The following ACOT1 variants were observed in gnomAD, a reference collection of about 807,000 sequenced individuals.
ACOT1 encodes acyl-coenzyme A thioesterase 1.
ACOT1 carries 8 observed loss-of-function variants against 15.7 expected under a neutral mutation model. That is an observed-to-expected ratio of 0.51 (90% CI 0.30 to 0.92). The LOEUF (loss-of-function observed/expected upper bound fraction) is 0.92. ACOT1 is among the 40% of genes least tolerant of loss of function. The pLI is 0.06. For synonymous variants in ACOT1, 67 were observed against 241.2 expected, an observed-to-expected ratio of 0.28 and a Z score of 6.69; for missense variants, 151 against 539.4, an observed-to-expected ratio of 0.28 and a Z score of 7.13.
At position 73,542,707 on chromosome 14, in the gene ACOT1, T is replaced by C. The variant is rs527382389; in HGVS notation, c.661-343T>C. On this transcript the variant is annotated intron_variant, in intron 2 of 2. Transcript: ENST00000311148. ...AGGCGTCAGCCACCACGCCCGGCCA[T>C]GAGATGACGTACTTGTTGATGACGA... 1.5e-4 allele frequency among the ~76,000 whole-genome samples: 17 copies of C among 111,556 alleles called. 5 individuals are homozygous for C. Among genetic ancestry groups the C allele is most frequent in the Admixed American group, 4.0e-4 (4 of 9,888 alleles). 73.2% of individuals were successfully genotyped at this position (111,556 alleles called of 152,430 possible).
chr14:73,520,558 A>AG, the ACOT1 span: 1 of 286,376 alleles, frequency 3.5e-6, no homozygotes, highest in African/African-American at 2.2e-5. Flanking sequence ...GGGTAGATAG[A>AG]GAAGAGATGG....
chr14:73,505,699 A>G, the ACOT1 span, among the ~76,000 whole-genome samples: 138 of 151,670 alleles, frequency 9.1e-4, no homozygotes, highest in African/African-American at 3.0e-3. Context: ...GGCCGGGACT[A>G]TGTTTTATAT....
chr14:73,522,836 G>A, the ACOT1 span: 57 of 1,614,064 alleles, frequency 3.5e-5, no homozygotes, highest in East Asian at 1.2e-3. Flanking sequence ...CCTGATCTGG[G>A]GAGTATGGAT....
chr14:73,523,728 G>T, the ACOT1 span, among the ~76,000 whole-genome samples: 1 of 152,040 alleles, frequency 6.6e-6, no homozygotes, highest in South Asian at 2.1e-4. Context: ...TTTCGTACTT[G>T]ACACAAATTC....
At chr14:73,503,062 T>C in the ACOT1 span, 1 of 1,426,896 alleles carries the variant, frequency 7.0e-7, no homozygotes, top group Non-Finnish European at 9.9e-7. Context: ...GAATGTTAAT[T>C]TTGTGCTTGG....
At chr14:73,491,084 C>G in the ACOT1 span, 4 of 1,599,646 alleles carry the variant, frequency 2.5e-6, no homozygotes, top group Middle Eastern at 1.7e-4. Flanking sequence ...GCGCAAGCCC[C>G]AGCCACACAG....
At chr14:73,491,589 A>G in the ACOT1 span, 1 of 1,545,752 alleles carries the variant, frequency 6.5e-7, no homozygotes. Context: ...GTCTTGGCCG[A>G]GCTGAACCGC....
rs1243950480 is a variant in ACOT1, at chr14:73,543,701, AAC to A, written c.*48_*49del. The A allele has an allele frequency of 1.3e-6, 1 of 759,558 alleles. No individual in the cohort carries two copies. The highest frequency in any genetic ancestry group is 8.7e-5 in the East Asian group (1 of 11,528). The allele number at this position is 759,558 out of a possible 1,614,324, so 47.1% of individuals were successfully genotyped here. A position where few individuals can be genotyped will look rare whatever the true frequency, so the allele number is the denominator to read the frequency against. On this transcript the variant is annotated 3_prime_UTR_variant, in exon 3 of 3. Transcript: ENST00000311148. ...CTCTCTGTTGCTAATCTCTCCTGGAAACATCTGCCACATTTAGTGTGTGTATG... is the reference window on the plus strand; with the variant it reads ...CTCTCTGTTGCTAATCTCTCCTGGAAATCTGCCACATTTAGTGTGTGTATG...
the ACOT1 span, among the ~76,000 whole-genome samples, chr14:73,518,412 G>GAA: frequency 1.8e-5 from 2 of 108,772 alleles, no homozygotes; most frequent in Non-Finnish European, 4.0e-5. Context: ...TCCAAAAAAA[G>GAA]AAAAAAAAAA....
At chr14:73,500,884 G>C in the ACOT1 span, among the ~76,000 whole-genome samples, 16 of 152,194 alleles carry the variant, frequency 1.1e-4, no homozygotes, top group African/African-American at 3.6e-4. Flanking sequence ...TGGGTACAGA[G>C]CTCGATTGTC....
At chr14:73,512,883 A>G in the ACOT1 span, among the ~76,000 whole-genome samples, 1 of 152,100 alleles carries the variant, frequency 6.6e-6, no homozygotes, top group Non-Finnish European at 1.5e-5. Flanking sequence ...TCCTGCACTA[A>G]CTAAGCTTGT....
upstream of ACOT1, among the ~76,000 whole-genome samples, chr14:73,534,775 T>C (rs1238502891): frequency 2.7e-5 from 3 of 112,548 alleles, 1 homozygote; most frequent in Non-Finnish European, 5.8e-5. Context: ...TAGATGTGTG[T>C]TTTTTTTAAT....
the ACOT1 span, chr14:73,498,200 G>T: frequency 6.2e-7 from 1 of 1,613,940 alleles, no homozygotes; most frequent in Non-Finnish European, 8.5e-7. Flanking sequence ...GTCTAGGAAG[G>T]TGTCCCTGAC....
At chr14:73,498,172 G>C in the ACOT1 span, 2 of 1,612,176 alleles carry the variant, frequency 1.2e-6, no homozygotes, top group African/African-American at 1.3e-5. Context: ...CAGCATCGTG[G>C]TTCTCCAGGA....
At chr14:73,512,118 G>T in the ACOT1 span, 1 of 1,614,152 alleles carries the variant, frequency 6.2e-7, no homozygotes, top group Non-Finnish European at 8.5e-7. Flanking sequence ...TCTGAAGCAG[G>T]TTCTCTACTG....
chr14:73,520,360 C>G, the ACOT1 span: 2 of 153,454 alleles, frequency 1.3e-5, no homozygotes, highest in African/African-American at 2.4e-5. Context: ...TTGTTAACAT[C>G]ACTTCACAAA....
At chr14:73,498,008 C>T in the ACOT1 span, 5 of 666,654 alleles carry the variant, frequency 7.5e-6, no homozygotes, top group African/African-American at 1.8e-5. Context: ...TTTTCAGTTA[C>T]CTACTTGGGT....
At chr14:73,525,192 C>A in the ACOT1 span, among the ~76,000 whole-genome samples, 1 of 152,008 alleles carries the variant, frequency 6.6e-6, no homozygotes, top group Admixed American at 6.6e-5. Flanking sequence ...CCACCACACC[C>A]AGCTATCTGT....
chr14:73,522,009 T>C, the ACOT1 span, among the ~76,000 whole-genome samples: 1 of 152,356 alleles, frequency 6.6e-6, no homozygotes, highest in East Asian at 1.9e-4. Flanking sequence ...GAGTTTGTGC[T>C]CTGGTGGGTA....
Sources: gnomAD v4.1 joint callset for allele counts (sites outside exome capture counted in the v4.1 genomes callset) on GRCh38, gnomAD v4.1.1 for gene constraint, MANE v1.5 for transcripts, NCBI Gene and HGNC (gene_info 2026-07-23, HGNC 2026-07-21) for gene names.